The following CRYGS variants were observed in gnomAD, a reference collection of about 807,000 sequenced individuals.
CRYGS encodes the protein gamma-crystallin S.
CRYGS carries 13 observed loss-of-function variants against 21.3 expected under a neutral mutation model. The ratio of observed to expected loss-of-function variants is 0.61; its 90% CI spans 0.40 to 0.97. CRYGS has a LOEUF of 0.97. CRYGS is among the 50% of genes least tolerant of loss of function. CRYGS has a pLI of 0.00. For synonymous variants in CRYGS, 67 were observed against 75.0 expected, an observed-to-expected ratio of 0.89 and a Z score of 0.55; for missense variants, 205 against 229.7, an observed-to-expected ratio of 0.89 and a Z score of 0.69.
chr3:186,544,265 G>T, intron 1 of CRYGS, 41 bp downstream of exon 1: 1 of 1,475,660 alleles, frequency 6.8e-7, no homozygotes, highest in Non-Finnish European at 9.5e-7. Context: ...TGCATCATTA[G>T]GTGAAAAGCG....
chr3:186,539,076 G>T, intron 2 of CRYGS, 108 bp from the exon 3 acceptor site: 1 of 1,323,342 alleles, frequency 7.6e-7, no homozygotes, highest in Non-Finnish European at 1.1e-6. Context: ...AAAGCTAGAT[G>T]ATCTGAACTC....
intron 1 of CRYGS, chr3:186,540,066 G>A (rs1219104733): frequency 5.9e-6 from 1 of 168,498 alleles, no homozygotes; most frequent in East Asian, 1.5e-4. Flanking sequence ...TGATATGGAG[G>A]ATACATAGAG....
chr3:186,538,709 C>T lies in CRYGS; in HGVS notation c.524G>A (p.Arg175His), dbSNP rs201717880. The change falls in exon 3 of 3, where the codon CGC (arginine) becomes CAC (histidine). Residue 175 changes from arginine to histidine, a missense_variant. Coordinates refer to ENST00000307944, the MANE Select transcript of CRYGS (RefSeq NM_017541.4). The part of the protein sequence containing the change: ...AASPAVQSFR[R>H]IVE ...CCATTCATGTCATTACTCCACAATG[C>T]GGCGGAAAGACTGGACAGCTGGGGA... The T allele has an allele frequency of 1.5e-5, 24 of 1,614,032 alleles. No homozygotes were observed. The highest frequency in any genetic ancestry group is 1.9e-5 in the Non-Finnish European group (22 of 1,180,020).
intron 2 of CRYGS, 139 bp from the exon 3 acceptor site, chr3:186,539,107 TA>T: frequency 1.8e-6 from 2 of 1,133,506 alleles, no homozygotes; most frequent in Non-Finnish European, 2.5e-6. Context: ...ATGTACTGAC[TA>T]AAACAGCTAA....
chr3:186,539,805 C>T (rs1004381205), intron 1 of CRYGS: 4 of 566,578 alleles, frequency 7.1e-6, no homozygotes, highest in Non-Finnish European at 1.2e-5. Flanking sequence ...GAAGGCTGAA[C>T]ATGAAGCAAA....
intron 1 of CRYGS, chr3:186,540,386 C>G (rs1434822255): frequency 6.6e-6 from 1 of 152,220 alleles, no homozygotes; most frequent in Non-Finnish European, 1.5e-5. Flanking sequence ...CCTCTCTGAG[C>G]TTCAGCTTCC....
chr3:186,538,591 G>T lies in CRYGS; in HGVS notation c.*105C>A. 7.0e-7 allele frequency: 1 copy of T among 1,431,872 alleles called. No individual in the cohort carries two copies. The highest frequency in any genetic ancestry group is 9.8e-7 in the Non-Finnish European group (1 of 1,022,620). 88.7% of individuals were successfully genotyped at this position (1,431,872 alleles called of 1,614,324 possible). ...GAAGCATTTAAGGAGAGGCATTATA[G>T]TCAGCAGTGGGATGCATGCCAACTG... is the stretch of plus-strand genomic sequence containing the variant. On this transcript the variant is annotated 3_prime_UTR_variant, in exon 3 of 3. Coordinates refer to ENST00000307944, the MANE Select transcript of CRYGS (RefSeq NM_017541.4).
rs756745787 is a variant in CRYGS at position 186,544,378 on chromosome 3, T to C, written c.-52A>G. ...GTGCTGAAAGAAATTCAGGAATGGC[T>C]ACAGAGAGTTAGAGGCACAGTGACA... On this transcript the variant is annotated 5_prime_UTR_variant, in exon 1 of 3. Transcript: ENST00000307944. The C allele has an allele frequency of 2.2e-5, 28 of 1,281,988 alleles. No homozygotes were observed. The highest frequency in any genetic ancestry group is 2.9e-5 in the African/African-American group (2 of 68,272). The allele number at this position is 1,281,988 out of a possible 1,614,324, so 79.4% of individuals were successfully genotyped here. A position where few individuals can be genotyped will look rare whatever the true frequency, so the allele number is the denominator to read the frequency against.
At chr3:186,542,027 C>G (rs1714081805) in intron 1 of CRYGS, among the ~76,000 whole-genome samples, 1 of 152,200 alleles carries the variant, frequency 6.6e-6, no homozygotes, top group African/African-American at 2.4e-5. Context: ...CTAAAAAGAG[C>G]CTTTGCAAAA....
Position 186,539,401 on chromosome 3 carries a change from C to G in CRYGS, c.218G>C (p.Trp73Ser), listed in dbSNP as rs1714003911. 1.2e-6 allele frequency: 2 copies of G among 1,612,186 alleles called. No homozygotes were observed. Among genetic ancestry groups the G allele is most frequent in the Non-Finnish European group, 1.7e-6 (2 of 1,180,002 alleles). The change falls in exon 2 of 3, where the codon TGG becomes TCG. Residue 73 changes from tryptophan to serine, a missense_variant. Coordinates refer to ENST00000307944, the MANE Select transcript of CRYGS (RefSeq NM_017541.4). Reference sequence around the variant, plus strand: ...GCTGAGGCGGTCGTTGAGGCCCATCCAACGCTGGTATTCAGGGTACTCTCC... The same window carrying G: ...GCTGAGGCGGTCGTTGAGGCCCATCGAACGCTGGTATTCAGGGTACTCTCC... ...PQGEYPEYQR[W>S]MGLNDRLSSC...
chr3:186,539,021 G>A, intron 2 of CRYGS, 53 bp from the exon 3 acceptor site: 1 of 1,596,894 alleles, frequency 6.3e-7, no homozygotes. Context: ...ATCACCAGCA[G>A]GTCAAGAACT....
At position 186,544,344 on chromosome 3, in the gene CRYGS, G is replaced by C. The variant is rs200400904; in HGVS notation, c.-18C>G. ...TTAGACATTTTTGGTGCATAGACTGGTTTTCCCAGTGCTGAAAGAAATTCA... is the reference window on the plus strand; with the variant it reads ...TTAGACATTTTTGGTGCATAGACTGCTTTTCCCAGTGCTGAAAGAAATTCA... On this transcript the variant is annotated 5_prime_UTR_variant, in exon 1 of 3. Transcript: ENST00000307944. The C allele has an allele frequency of 1.3e-4, 199 of 1,585,806 alleles. 3 individuals are homozygous for C. The African/African-American group carries it at 2.3e-3, about 18-fold the overall frequency.
intron 1 of CRYGS, among the ~76,000 whole-genome samples, chr3:186,541,624 T>C (rs938139261): frequency 6.6e-5 from 10 of 152,244 alleles, no homozygotes; most frequent in African/African-American, 2.2e-4. Flanking sequence ...GTTGATAAAG[T>C]ACTTAGTTGA....
intron 1 of CRYGS, among the ~76,000 whole-genome samples, chr3:186,541,171 C>G (rs146224963): frequency 1.3e-5 from 2 of 152,078 alleles, no homozygotes; most frequent in East Asian, 1.9e-4. Flanking sequence ...GAGGAAGAAA[C>G]GAAGAATGAC....
In CRYGS at chr3:186,539,455, A is replaced by G; in HGVS notation, c.164T>C (p.Phe55Ser). ...TGGTAAGATGTACATGTACCCAGCAAAGTTGGGCCTTTCATAAACAGCCCA... is the reference window on the plus strand; with the variant it reads ...TGGTAAGATGTACATGTACCCAGCAGAGTTGGGCCTTTCATAAACAGCCCA... ...GTWAVYERPNFAGYMYILPQG... is the reference protein window; with the variant it reads ...GTWAVYERPNSAGYMYILPQG... The change falls in exon 2 of 3, where the codon TTT (phenylalanine) becomes TCT (serine). Residue 55 changes from phenylalanine to serine, a missense_variant. Transcript: ENST00000307944. 2 of 1,612,942 alleles carry G rather than the reference A, an allele frequency of 1.2e-6. No individual in the cohort carries two copies. Among genetic ancestry groups the G allele is most frequent in the Middle Eastern group, 2.0e-4 (1 of 5,068 alleles).
chr3:186,541,703 C>T (rs1023960927), intron 1 of CRYGS, among the ~76,000 whole-genome samples: 2 of 152,212 alleles, frequency 1.3e-5, no homozygotes, highest in African/African-American at 4.8e-5. Flanking sequence ...AAGTGATTGG[C>T]CTAATGTCAC....
chr3:186,542,838 C>T (rs1036809468), intron 1 of CRYGS, among the ~76,000 whole-genome samples: 6 of 152,258 alleles, frequency 3.9e-5, no homozygotes, highest in Admixed American at 3.9e-4. Context: ...GGATATCCCT[C>T]CTCTAAGGAC....
chr3:186,540,121 A>G (rs1423285317), intron 1 of CRYGS: 4 of 159,306 alleles, frequency 2.5e-5, no homozygotes, highest in Admixed American at 2.4e-4. Context: ...TATTTTAGAT[A>G]GATGTAGAGC....
intron 1 of CRYGS, among the ~76,000 whole-genome samples, chr3:186,544,055 T>C (rs1578959189): frequency 1.3e-5 from 2 of 152,188 alleles, no homozygotes; most frequent in East Asian, 3.8e-4. Context: ...GCAGAAATAA[T>C]AATGATATTT....
Sources: allele counts gnomAD v4.1 joint callset (sites outside exome capture counted in the v4.1 genomes callset), GRCh38; gene constraint gnomAD v4.1.1; transcripts MANE v1.5; gene names NCBI Gene and HGNC (gene_info 2026-07-23, HGNC 2026-07-21).